CSMD1: variants seen among roughly 807,000 people sequenced by gnomAD.
CSMD1 encodes CUB and Sushi multiple domains 1.
Under a neutral mutation model 417.5 loss-of-function variants are expected in CSMD1, and 213 were observed. The observed-to-expected ratio is 0.51, with a 90% CI of 0.46 to 0.57. CSMD1 has a LOEUF of 0.57. CSMD1 is among the 20% of genes least tolerant of loss of function. The probability of loss-of-function intolerance (pLI) is 0.00; values close to 1 mark genes in which losing one functional copy is unlikely to be tolerated. For synonymous variants in CSMD1, 2,862 were observed against 1,736.8 expected (o/e 1.65, Z -16.11); for missense variants, 6,923 against 4,529.7 (o/e 1.53, Z -15.17).
chr8:4,114,926 G>C (rs556056328), intron 3 of CSMD1, among the ~76,000 whole-genome samples: 2 of 152,240 alleles, frequency 1.3e-5, no homozygotes, highest in South Asian at 4.2e-4. Flanking sequence ...AGTATGCTGA[G>C]ATACAATCTA....
chr8:4,045,132 C>A (rs376712130), intron 3 of CSMD1, among the ~76,000 whole-genome samples: 4 of 152,136 alleles, frequency 2.6e-5, no homozygotes, highest in South Asian at 2.1e-4. Context: ...ACCACCTGTG[C>A]CCTCCCACCT....
intron 1 of CSMD1, among the ~76,000 whole-genome samples, chr8:4,646,660 G>A (rs1010811546): frequency 6.6e-6 from 1 of 152,122 alleles, no homozygotes; most frequent in African/African-American, 2.4e-5. Context: ...GCGTCAACAA[G>A]GCATATTTTA....
intron 2 of CSMD1, among the ~76,000 whole-genome samples, chr8:4,550,474 T>A (rs1406493550): frequency 3.3e-5 from 5 of 152,164 alleles, no homozygotes; most frequent in Non-Finnish European, 7.3e-5. Flanking sequence ...TAGGTCACTT[T>A]GATACATCAG....
At chr8:3,894,189 T>C (rs1807189909) in intron 5 of CSMD1, among the ~76,000 whole-genome samples, 1 of 152,198 alleles carries the variant, frequency 6.6e-6, no homozygotes, top group Non-Finnish European at 1.5e-5. Flanking sequence ...GTGTCTTTTG[T>C]TTGAATTGTT....
intron 5 of CSMD1, among the ~76,000 whole-genome samples, chr8:3,831,392 T>A (rs1802369395): frequency 1.3e-5 from 2 of 152,126 alleles, no homozygotes; most frequent in South Asian, 4.1e-4. Flanking sequence ...GACAAATGAT[T>A]CTTGGAACTG....
intron 16 of CSMD1, among the ~76,000 whole-genome samples, chr8:3,398,813 A>G (rs1811857313): frequency 6.6e-6 from 1 of 152,204 alleles, no homozygotes; most frequent in Non-Finnish European, 1.5e-5. Context: ...ATTTTTTAAT[A>G]AACAAATACC....
intron 4 of CSMD1, among the ~76,000 whole-genome samples, chr8:4,002,205 G>C (rs1350526776): frequency 6.6e-6 from 1 of 150,952 alleles, no homozygotes; most frequent in Non-Finnish European, 1.5e-5. Context: ...GTGCCTGTGA[G>C]TGTGTGTGTG....
intron 46 of CSMD1, 58 bp downstream of exon 46, chr8:3,106,470 C>G (rs922111508): frequency 9.5e-7 from 1 of 1,051,424 alleles, no homozygotes; most frequent in Non-Finnish European, 1.4e-6. Context: ...CCAATACAAA[C>G]AATACAATTT....
chr8:4,027,761 A>C (rs1468553215), intron 4 of CSMD1, among the ~76,000 whole-genome samples: 2 of 152,224 alleles, frequency 1.3e-5, no homozygotes, highest in Non-Finnish European at 2.9e-5. Flanking sequence ...AGGGAAATAA[A>C]TAACTAAAAT....
At chr8:4,472,531 C>G (rs58779766) in intron 2 of CSMD1, among the ~76,000 whole-genome samples, 3,533 of 152,042 alleles carry the variant, frequency 0.023, 132 homozygotes, top group African/African-American at 0.082. Context: ...AATACCAAAA[C>G]AGTATTTAGA....
intron 3 of CSMD1, among the ~76,000 whole-genome samples, chr8:4,412,865 G>A (rs1014462909): frequency 1.3e-5 from 2 of 152,028 alleles, no homozygotes; most frequent in African/African-American, 2.4e-5. Flanking sequence ...GCTCAAACAA[G>A]GAATTCAGAA....
At chr8:4,131,357 G>A (rs1261784325) in intron 3 of CSMD1, among the ~76,000 whole-genome samples, 1 of 152,036 alleles carries the variant, frequency 6.6e-6, no homozygotes, top group Admixed American at 6.6e-5. Flanking sequence ...ACACCTACAC[G>A]CTCCTCAAAA....
chr8:4,231,888 G>C (rs950536034), intron 3 of CSMD1, among the ~76,000 whole-genome samples: 2 of 152,046 alleles, frequency 1.3e-5, no homozygotes, highest in Admixed American at 6.6e-5. Flanking sequence ...CCTAATACTT[G>C]TGTTTTACTA....
chr8:4,857,475 G>T (rs1046181159), intron 1 of CSMD1, among the ~76,000 whole-genome samples: 1 of 152,134 alleles, frequency 6.6e-6, no homozygotes, highest in African/African-American at 2.4e-5. Flanking sequence ...AATGAATCCA[G>T]GAGCTCGTTT....
chr8:4,800,532 A>T (rs764474740), intron 1 of CSMD1, among the ~76,000 whole-genome samples: 5 of 152,088 alleles, frequency 3.3e-5, no homozygotes, highest in Non-Finnish European at 7.4e-5. Context: ...TTCATGTGAG[A>T]GTGATTTTTA....
intron 3 of CSMD1, among the ~76,000 whole-genome samples, chr8:4,417,124 C>G (rs1796983640): frequency 6.6e-6 from 1 of 151,956 alleles, no homozygotes; most frequent in Admixed American, 6.6e-5. Context: ...AATATATACA[C>G]TTAATTGCTG....
intron 20 of CSMD1, 102 bp from the exon 21 acceptor site, chr8:3,359,442 AAC>A (rs1809011067): frequency 1.2e-6 from 1 of 851,104 alleles, no homozygotes; most frequent in Non-Finnish European, 1.7e-6. Context: ...AAAAAAAAAA[AAC>A]CTACATATAT....
At chr8:3,301,074 A>T (rs1439457588) in intron 25 of CSMD1, among the ~76,000 whole-genome samples, 2 of 152,074 alleles carry the variant, frequency 1.3e-5, no homozygotes, top group Non-Finnish European at 2.9e-5. Context: ...ATTGATACGT[A>T]TAAGACATTT....
At chr8:3,725,283 G>T (rs942491225) in intron 6 of CSMD1, among the ~76,000 whole-genome samples, 6 of 152,150 alleles carry the variant, frequency 3.9e-5, no homozygotes, top group African/African-American at 1.4e-4. Flanking sequence ...GCAGGTCCAG[G>T]GCCATGAAGA....
Sources: gnomAD v4.1 joint callset for allele counts (sites outside exome capture counted in the v4.1 genomes callset) on GRCh38, gnomAD v4.1.1 for gene constraint, MANE v1.5 for transcripts, NCBI Gene and HGNC (gene_info 2026-07-23, HGNC 2026-07-21) for gene names.